PTPRN2: variants seen among roughly 807,000 people sequenced by gnomAD.
PTPRN2 encodes protein tyrosine phosphatase receptor type N2, also known as receptor-type tyrosine-protein phosphatase N2.
In PTPRN2, 74 loss-of-function variants were observed where a neutral mutation model predicts 118.8. The ratio of observed to expected loss-of-function variants is 0.62; its 90% CI spans 0.52 to 0.76. PTPRN2 has a LOEUF of 0.76. Ranked by LOEUF, PTPRN2 falls within the 30% of genes least tolerant of loss-of-function variation. The pLI is 0.00. For missense variants in PTPRN2, 1,481 were observed against 1,394.4 expected (o/e 1.06, Z -0.99); for synonymous variants, 641 against 608.0 (o/e 1.05, Z -0.80).
At chr7:157,938,446 T>C (rs1585049342) in intron 11 of PTPRN2, among the ~76,000 whole-genome samples, 1 of 151,998 alleles carries the variant, frequency 6.6e-6, no homozygotes, top group African/African-American at 2.4e-5. Flanking sequence ...ATGTGAGGGG[T>C]AGACACTATA....
chr7:157,653,454 G>A (rs1246027790), intron 14 of PTPRN2, among the ~76,000 whole-genome samples: 1 of 152,114 alleles, frequency 6.6e-6, no homozygotes, highest in Non-Finnish European at 1.5e-5. Context: ...ACTCTGATGC[G>A]TTCCTGCGGC....
intron 12 of PTPRN2, among the ~76,000 whole-genome samples, chr7:157,726,192 A>T (rs1799586163): frequency 8.6e-6 from 1 of 115,738 alleles, no homozygotes; most frequent in African/African-American, 3.7e-5. Flanking sequence ...AATGAGCCAG[A>T]CTCTCGCCTC....
At chr7:158,247,169 C>T (rs1563033062) in intron 3 of PTPRN2, among the ~76,000 whole-genome samples, 1 of 152,172 alleles carries the variant, frequency 6.6e-6, no homozygotes, top group Non-Finnish European at 1.5e-5. Context: ...CATCTCACTA[C>T]ACAGAGCGTG....
chr7:158,511,288 C>T (rs1222421211), intron 1 of PTPRN2, among the ~76,000 whole-genome samples: 1 of 152,174 alleles, frequency 6.6e-6, no homozygotes, highest in Non-Finnish European at 1.5e-5. Flanking sequence ...TCAAGTTTTA[C>T]CCCCTATCCT....
In PTPRN2 at chr7:158,336,432, CGTCACTCACACCCACACAT is replaced by C. The variant is rs1307945259; in HGVS notation, c.164-19519_164-19501del. On this transcript the variant is annotated intron_variant, in intron 2 of 22. Transcript: ENST00000389418. Reference sequence around the variant, plus strand: ...CACAATAATTGGTGACACCTGCAGACGTCACTCACACCCACACATGTCACTCACACCCACACTCTCACCA... The same window carrying C: ...CACAATAATTGGTGACACCTGCAGACGTCACTCACACCCACACTCTCACCA... 1.2e-3 allele frequency among the ~76,000 whole-genome samples: 128 copies of C among 107,270 alleles called. 1 individual carries two copies. Among genetic ancestry groups the C allele is most frequent in the African/African-American group, 4.1e-3 (123 of 29,762 alleles). 70.4% of individuals were successfully genotyped at this position (107,270 alleles called of 152,430 possible).
At chr7:157,979,128 T>C (rs1030305043) in intron 11 of PTPRN2, among the ~76,000 whole-genome samples, 2 of 152,032 alleles carry the variant, frequency 1.3e-5, no homozygotes, top group Admixed American at 1.3e-4. Flanking sequence ...GGAGGGATTG[T>C]TTCTCTTTCT....
chr7:158,266,408 CGG>C (rs1316047834), intron 3 of PTPRN2, among the ~76,000 whole-genome samples: 3 of 147,790 alleles, frequency 2.0e-5, no homozygotes, highest in Admixed American at 6.8e-5. Context: ...GTGTCTGCTG[CGG>C]GGTATTGTCT....
At chr7:157,790,084 T>G (rs1228654948) in intron 12 of PTPRN2, among the ~76,000 whole-genome samples, 13 of 130,408 alleles carry the variant, frequency 1.0e-4, no homozygotes, top group African/African-American at 4.0e-4. Flanking sequence ...GTGTGTGTGG[T>G]GTGTGTGGTG....
intron 13 of PTPRN2, among the ~76,000 whole-genome samples, chr7:157,659,600 C>T (rs1409765177): frequency 6.6e-6 from 1 of 151,842 alleles, no homozygotes; most frequent in African/African-American, 2.4e-5. Context: ...CTTTCCCATA[C>T]ATCTTCAGGT....
intron 12 of PTPRN2, among the ~76,000 whole-genome samples, chr7:157,825,413 C>A (rs572129481): frequency 6.6e-6 from 1 of 152,288 alleles, no homozygotes; most frequent in South Asian, 2.1e-4. Flanking sequence ...GACTGCCTCC[C>A]CCCCAGACTT....
chr7:157,772,132 GACAGACACACAC>G (rs978734862), intron 12 of PTPRN2, among the ~76,000 whole-genome samples: 1 of 135,448 alleles, frequency 7.4e-6, no homozygotes, highest in Non-Finnish European at 1.6e-5. Context: ...CACATACACA[GACAGACACACAC>G]ACAGACACAA....
intron 9 of PTPRN2, among the ~76,000 whole-genome samples, chr7:158,115,920 C>G (rs1816690425): frequency 6.6e-6 from 1 of 152,194 alleles, no homozygotes; most frequent in Admixed American, 6.5e-5. Context: ...CCCTCACACT[C>G]CACCCTGTGC....
chr7:157,745,471 C>A (rs1233857187), intron 12 of PTPRN2, among the ~76,000 whole-genome samples: 1 of 140,690 alleles, frequency 7.1e-6, no homozygotes, highest in Non-Finnish European at 1.6e-5. Flanking sequence ...GGCTCAGGGA[C>A]AGGGCAGGCT....
At chr7:158,495,195 C>A (rs1292637801) in intron 1 of PTPRN2, among the ~76,000 whole-genome samples, 1 of 152,166 alleles carries the variant, frequency 6.6e-6, no homozygotes, top group East Asian at 1.9e-4. Context: ...GCCATGTTTC[C>A]CACCTCTCCC....
intron 10 of PTPRN2, among the ~76,000 whole-genome samples, chr7:158,090,764 T>C (rs2128944319): frequency 6.6e-6 from 1 of 152,350 alleles, no homozygotes; most frequent in South Asian, 2.1e-4. Context: ...AACTGAGGAC[T>C]ATTTGGAAAT....
chr7:158,508,150 C>CGGTGGGCAGAAGGCA (rs1417495134), intron 1 of PTPRN2, among the ~76,000 whole-genome samples: 1 of 150,340 alleles, frequency 6.7e-6, no homozygotes, highest in Non-Finnish European at 1.5e-5. Flanking sequence ...GACAGCCCCA[C>CGGTGGGCAGAAGGCA]GGTGGGCAGA....
intron 5 of PTPRN2, among the ~76,000 whole-genome samples, chr7:158,190,870 C>G (rs1825706261): frequency 6.6e-6 from 1 of 152,282 alleles, no homozygotes; most frequent in African/African-American, 2.4e-5. Context: ...CCTGAAGAGG[C>G]AAGGCCACAG....
intron 6 of PTPRN2, among the ~76,000 whole-genome samples, chr7:158,149,157 A>G: frequency 6.7e-6 from 1 of 150,276 alleles, no homozygotes; most frequent in African/African-American, 2.4e-5. Flanking sequence ...TTTCCCCCTC[A>G]GTGACACCCC....
At chr7:158,121,191 C>T (rs962533688) in intron 9 of PTPRN2, among the ~76,000 whole-genome samples, 2 of 152,306 alleles carry the variant, frequency 1.3e-5, no homozygotes, top group African/African-American at 4.8e-5. Context: ...CAGCCCCCTG[C>T]ACCCCAGCCT....
Sources: allele counts gnomAD v4.1 joint callset (sites outside exome capture counted in the v4.1 genomes callset), GRCh38; gene constraint gnomAD v4.1.1; transcripts MANE v1.5; gene names NCBI Gene and HGNC (gene_info 2026-07-23, HGNC 2026-07-21).